ZNF81: variants seen among roughly 807,000 people sequenced by gnomAD.
ZNF81 encodes zinc finger protein 81 (HFZ20).
ZNF81 carries 5 observed loss-of-function variants against 32.3 expected under a neutral mutation model. The observed-to-expected ratio is 0.15, with a 90% CI of 0.08 to 0.33. ZNF81 has a LOEUF of 0.33. ZNF81 is among the 10% of genes least tolerant of loss of function. The probability of loss-of-function intolerance (pLI) is 1.00; values close to 1 mark genes in which losing one functional copy is unlikely to be tolerated. For synonymous variants in ZNF81, 163 were observed against 166.8 expected (o/e 0.98, Z 0.17); for missense variants, 379 against 479.8 (o/e 0.79, Z 1.96).
chrX:47,917,845 G>C lies in ZNF81; in HGVS notation c.*1213G>C, dbSNP rs2058762765. 9.0e-6 allele frequency: 1 copy of C among 111,560 alleles called. No homozygotes were observed. The highest frequency in any genetic ancestry group is 3.3e-5 in the African/African-American group (1 of 30,632). 9.2% of individuals were successfully genotyped at this position (111,560 alleles called of 1,213,427 possible). A position where few individuals can be genotyped will look rare whatever the true frequency, so the allele number is the denominator to read the frequency against. ...AGTAATATTTGAAAGTATATGTTTG[G>C]GGGAGGGGGCATAGTGGACCAAAAC... On this transcript the variant is annotated 3_prime_UTR_variant, in exon 5 of 5. Transcript: ENST00000338637.
chrX:47,870,044 T>C (rs1556883725), intron 2 of ZNF81, among the ~76,000 whole-genome samples: 1 of 111,462 alleles, frequency 9.0e-6, no homozygotes, highest in Non-Finnish European at 1.9e-5. Context: ...ATCACAGCAC[T>C]TGAAAAGGTG....
At position 47,923,915 on chromosome X, in the gene ZNF81, A is replaced by G. The variant is rs2058784167; in HGVS notation, c.*7283A>G. 9.0e-6 allele frequency among the ~76,000 whole-genome samples: 1 copy of G among 111,348 alleles called. No homozygotes were observed. On this transcript the variant is annotated 3_prime_UTR_variant, in exon 5 of 5. Transcript: ENST00000338637. ...CACTCTATATCCAGCCCTTCTTTCC[A>G]TCTTCCAGCCCTGCTGACCAACAGT...
At chrX:47,890,180 G>A (rs1192733814) in intron 3 of ZNF81, among the ~76,000 whole-genome samples, 2 of 111,240 alleles carry the variant, frequency 1.8e-5, no homozygotes, top group Non-Finnish European at 3.8e-5. Context: ...CAGTGCACCA[G>A]AGCCTGCTGC....
At chrX:47,900,094 C>T (rs2058693217) in intron 4 of ZNF81, among the ~76,000 whole-genome samples, 1 of 110,682 alleles carries the variant, frequency 9.0e-6, no homozygotes, top group Non-Finnish European at 1.9e-5. Flanking sequence ...TTAAAACTGT[C>T]AAAGAGATTT....
At chrX:47,872,793 T>C (rs1448290646) in intron 2 of ZNF81, among the ~76,000 whole-genome samples, 4 of 112,239 alleles carry the variant, frequency 3.6e-5, no homozygotes, top group Non-Finnish European at 7.5e-5. Flanking sequence ...TTTCTAATTA[T>C]TTTATACATG....
chrX:47,895,267 G>T (rs1024720828), intron 3 of ZNF81, among the ~76,000 whole-genome samples: 2 of 111,400 alleles, frequency 1.8e-5, no homozygotes, highest in African/African-American at 6.5e-5. Context: ...ACTCTAATCT[G>T]ACTGATGTCC....
intron 4 of ZNF81, among the ~76,000 whole-genome samples, chrX:47,902,143 A>G (rs1489895516): frequency 9.0e-6 from 1 of 111,499 alleles, no homozygotes; most frequent in Non-Finnish European, 1.9e-5. Context: ...ATATTTCGAC[A>G]TAAGTTTTTT....
rs782086333 is a variant in ZNF81, at chrX:47,888,092, A to G, written c.148A>G (p.Met50Val). The G allele has an allele frequency of 8.3e-7, 1 of 1,210,355 alleles. No individual in the cohort carries two copies. The highest frequency in any genetic ancestry group is 1.1e-6 in the Non-Finnish European group (1 of 895,012). Residue 50 changes from methionine (M) to valine (V), a missense_variant, in exon 3 of 5, where the codon ATG becomes GTG. By Grantham distance (21) the Met-to-Val change is conservative. Coordinates refer to ENST00000338637, the MANE Select transcript of ZNF81 (RefSeq NM_007137.5). ...STQRRLYQDV[M>V]LENYSHLLSV... is the part of the protein sequence containing the mutation. ...TCAAAGACGCCTGTACCAGGATGTA[A>G]TGTTGGAGAACTACAGCCACCTGCT...
At chrX:47,886,641 C>G (rs2058643100) in intron 2 of ZNF81, among the ~76,000 whole-genome samples, 1 of 105,649 alleles carries the variant, frequency 9.5e-6, no homozygotes, top group Admixed American at 1.0e-4. Context: ...ACTCTGTCAC[C>G]CAGGCTGGAG....
At chrX:47,869,233 C>A (rs2058571452) in intron 2 of ZNF81, among the ~76,000 whole-genome samples, 1 of 111,884 alleles carries the variant, frequency 8.9e-6, no homozygotes, top group Non-Finnish European at 1.9e-5. Context: ...ATATAAGTTA[C>A]TTTAGTATTA....
chrX:47,862,523 CAAAAAAA>C (rs5902400), intron 2 of ZNF81, among the ~76,000 whole-genome samples: 2 of 76,637 alleles, frequency 2.6e-5, no homozygotes, highest in Non-Finnish European at 5.1e-5. Context: ...GACTCCGTCT[CAAAAAAA>C]AAAAAAAAGA....
rs2058752697 is a variant in ZNF81, at chrX:47,915,335, A to G, written c.689A>G (p.Asn230Ser). The G allele has an allele frequency of 4.1e-6, 5 of 1,209,879 alleles. No individual in the cohort carries two copies. The African/African-American group carries it at 8.7e-5, about 21-fold the overall frequency. Residue 230 changes from asparagine (N) to serine (S), a missense_variant, in exon 5 of 5, where the codon AAC (asparagine) becomes AGC (serine). Transcript: ENST00000338637. Reference sequence around the variant, plus strand: ...GGGCATGGTCAAGTTTTTACCCAGAACTCTTCTTATAGTCACCACGAAAAT... The same window carrying G: ...GGGCATGGTCAAGTTTTTACCCAGAGCTCTTCTTATAGTCACCACGAAAAT... ...TIGHGQVFTQ[N>S]SSYSHHENTH...
chrX:47,880,903 G>T (rs57417342), intron 2 of ZNF81, among the ~76,000 whole-genome samples: 7,821 of 111,504 alleles, frequency 0.07, 344 homozygotes, highest in African/African-American at 0.17. Context: ...ATCTGGTGAG[G>T]GCCTTCTCAT....
At chrX:47,846,672 C>T (rs1036921855) in intron 2 of ZNF81, among the ~76,000 whole-genome samples, 3 of 111,012 alleles carry the variant, frequency 2.7e-5, no homozygotes, top group Non-Finnish European at 5.7e-5. Flanking sequence ...TTCTCTAAGT[C>T]TTGTTTAAAG....
At chrX:47,893,012 C>T (rs1240144702) in intron 3 of ZNF81, among the ~76,000 whole-genome samples, 9 of 112,404 alleles carry the variant, frequency 8.0e-5, no homozygotes, top group South Asian at 3.7e-4. Flanking sequence ...CCTCTACTGG[C>T]AAAGGAGACT....
Position 47,917,311 on chromosome X carries a change from A to G in ZNF81, c.*679A>G. The stretch of plus-strand genomic sequence containing the variant: ...AAGAACACACAAATATAATCCTGTC[A>G]TTCGTACTGGTTTCCATGACATAGT... On this transcript the variant is annotated 3_prime_UTR_variant, in exon 5 of 5. Coordinates refer to ENST00000338637, the MANE Select transcript of ZNF81 (RefSeq NM_007137.5). 3.4e-6 allele frequency: 1 copy of G among 297,179 alleles called. No individual in the cohort carries two copies. Among genetic ancestry groups the G allele is most frequent in the Non-Finnish European group, 5.9e-6 (1 of 170,022 alleles). 24.5% of individuals were successfully genotyped at this position (297,179 alleles called of 1,213,427 possible).
At position 47,922,511 on chromosome X, in the gene ZNF81, TAA is replaced by T. The variant is rs1330950178; in HGVS notation, c.*5882_*5883del. ...CTGGGAACAATGCTGCTAAAAATAT[TAA>T]AAGATAGTTTGCATAGTGGTTAGGT... On this transcript the variant is annotated 3_prime_UTR_variant, in exon 5 of 5. Coordinates refer to ENST00000338637, the MANE Select transcript of ZNF81 (RefSeq NM_007137.5). Among the ~76,000 whole-genome samples the T allele has an allele frequency of 1.6e-4, 18 of 111,934 alleles. No homozygotes were observed. The highest frequency in any genetic ancestry group is 5.8e-4 in the African/African-American group (18 of 30,790).
intron 4 of ZNF81, among the ~76,000 whole-genome samples, chrX:47,898,404 CA>C (rs2058687110): frequency 9.0e-6 from 1 of 111,637 alleles, no homozygotes; most frequent in Admixed American, 9.5e-5. Context: ...GCCAGAACAT[CA>C]AGGGTACAGA....
At chrX:47,869,528 G>A (rs2148017929) in intron 2 of ZNF81, among the ~76,000 whole-genome samples, 1 of 112,023 alleles carries the variant, frequency 8.9e-6, no homozygotes, top group East Asian at 2.8e-4. Context: ...CAGTCTCTGA[G>A]GATAGTAGTA....
Sources: gnomAD v4.1 joint callset for allele counts (sites outside exome capture counted in the v4.1 genomes callset) on GRCh38, gnomAD v4.1.1 for gene constraint, MANE v1.5 for transcripts, NCBI Gene and HGNC (gene_info 2026-07-23, HGNC 2026-07-21) for gene names.